The following DPP6 variants were observed in gnomAD, a reference collection of about 807,000 sequenced individuals.
DPP6 encodes dipeptidyl peptidase like 6, also known as A-type potassium channel modulatory protein DPP6.
A neutral mutation model predicts 122.6 loss-of-function variants in DPP6; 69 were observed. The observed-to-expected ratio is 0.56, with a 90% CI of 0.46 to 0.69. DPP6 has a LOEUF of 0.69. Ranked by LOEUF, DPP6 falls within the 30% of genes least tolerant of loss-of-function variation. The pLI, the probability that DPP6 is intolerant of heterozygous loss-of-function variation, is 0.00. For synonymous variants in DPP6, 418 were observed against 433.1 expected (o/e 0.97, Z 0.43); for missense variants, 928 against 1,116.9 (o/e 0.83, Z 2.41).
At chr7:154,372,749 T>C (rs1016056900) in intron 1 of DPP6, among the ~76,000 whole-genome samples, 10 of 152,162 alleles carry the variant, frequency 6.6e-5, no homozygotes, top group African/African-American at 2.4e-4. Flanking sequence ...GAACAGTTGA[T>C]AGTTTGCCAG....
chr7:154,121,072 T>C (rs1485888729), intron 1 of DPP6, among the ~76,000 whole-genome samples: 5 of 152,184 alleles, frequency 3.3e-5, no homozygotes, highest in Non-Finnish European at 7.3e-5. Flanking sequence ...TCTCATGCCC[T>C]CTCTTGCTGC....
chr7:153,758,701 A>G, the DPP6 span, among the ~76,000 whole-genome samples: 1 of 151,930 alleles, frequency 6.6e-6, no homozygotes, highest in East Asian at 1.9e-4. Context: ...GCATGTATCA[A>G]TAGTTATTTA....
chr7:154,092,028 G>C (rs578041563), intron 1 of DPP6, among the ~76,000 whole-genome samples: 106 of 152,104 alleles, frequency 7.0e-4, no homozygotes, highest in Non-Finnish European at 1.3e-3. Flanking sequence ...CATGACATCA[G>C]GGGTGGGAGC....
chr7:154,473,708 A>C (rs1247297171), intron 2 of DPP6, among the ~76,000 whole-genome samples: 2 of 152,240 alleles, frequency 1.3e-5, no homozygotes, highest in East Asian at 3.8e-4. Context: ...TTTAAAACAC[A>C]AAATTAAAAG....
At chr7:154,060,635 G>A (rs1425151353) in intron 1 of DPP6, among the ~76,000 whole-genome samples, 306 of 144,136 alleles carry the variant, frequency 2.1e-3, no homozygotes, top group South Asian at 6.2e-3. Context: ...CCCCATCGCA[G>A]GAGGGGGAGG....
At chr7:154,660,386 A>G (rs1837563427) in intron 6 of DPP6, among the ~76,000 whole-genome samples, 1 of 149,868 alleles carries the variant, frequency 6.7e-6, no homozygotes, top group Non-Finnish European at 1.5e-5. Context: ...ATGGTGAATC[A>G]CCATGGCGTA....
chr7:154,765,920 A>G (rs185461040), intron 8 of DPP6, among the ~76,000 whole-genome samples: 2 of 152,248 alleles, frequency 1.3e-5, no homozygotes, highest in Non-Finnish European at 2.9e-5. Context: ...CATTTGGTGC[A>G]TGGCATTTAA....
intron 1 of DPP6, among the ~76,000 whole-genome samples, chr7:154,198,549 A>G (rs1404999088): frequency 6.6e-6 from 1 of 152,006 alleles, no homozygotes; most frequent in Non-Finnish European, 1.5e-5. Flanking sequence ...CCTGACTTCA[A>G]ATGATCTGCC....
chr7:154,803,098 GC>G (rs940821705), intron 13 of DPP6, among the ~76,000 whole-genome samples: 6 of 152,020 alleles, frequency 3.9e-5, no homozygotes, highest in African/African-American at 1.4e-4. Flanking sequence ...AGGCCCTGCT[GC>G]CCCCCAACCC....
At chr7:153,856,699 G>A in the DPP6 span, among the ~76,000 whole-genome samples, 1 of 152,126 alleles carries the variant, frequency 6.6e-6, no homozygotes, top group Non-Finnish European at 1.5e-5. Context: ...ATTCTCAAGG[G>A]ATCTGTTTGC....
At chr7:154,751,503 TAGAGGCTG>T (rs1212831325) in intron 8 of DPP6, among the ~76,000 whole-genome samples, 2 of 149,310 alleles carry the variant, frequency 1.3e-5, no homozygotes, top group Non-Finnish European at 3.0e-5. Context: ...CCCACTACTC[TAGAGGCTG>T]AGGTGGAAGA....
chr7:154,012,728 A>G (rs983093556), intron 1 of DPP6, among the ~76,000 whole-genome samples: 8 of 152,170 alleles, frequency 5.3e-5, no homozygotes, highest in Admixed American at 6.5e-5. Context: ...TGTTACTGAA[A>G]CCATCATCTC....
intron 16 of DPP6, among the ~76,000 whole-genome samples, chr7:154,819,422 TAAATA>T (rs1449886151): frequency 6.6e-6 from 1 of 150,876 alleles, no homozygotes; most frequent in Non-Finnish European, 1.5e-5. Context: ...TCTCAATAAA[TAAATA>T]AATTAATTAA....
intron 1 of DPP6, among the ~76,000 whole-genome samples, chr7:154,128,915 C>T (rs571807786): frequency 6.6e-6 from 1 of 151,226 alleles, no homozygotes; most frequent in East Asian, 2.0e-4. Flanking sequence ...CAGTTCCCAG[C>T]GTTAGCTTAG....
intron 3 of DPP6, among the ~76,000 whole-genome samples, chr7:154,494,342 A>C (rs1306592283): frequency 6.6e-6 from 1 of 150,748 alleles, no homozygotes; most frequent in Non-Finnish European, 1.5e-5. Context: ...GGCAACAGAG[A>C]AGGACCCTGT....
chr7:154,882,342 G>A (rs1805455994), intron 21 of DPP6, among the ~76,000 whole-genome samples: 1 of 152,166 alleles, frequency 6.6e-6, no homozygotes, highest in African/African-American at 2.4e-5. Flanking sequence ...TCTTTCCTTT[G>A]CCATTCTGCC....
At chr7:154,345,626 C>A (rs181630807) in intron 1 of DPP6, among the ~76,000 whole-genome samples, 1 of 152,222 alleles carries the variant, frequency 6.6e-6, no homozygotes, top group East Asian at 1.9e-4. Flanking sequence ...GCTGTCCACG[C>A]CCCTACCTTG....
intron 1 of DPP6, among the ~76,000 whole-genome samples, chr7:154,408,965 A>G (rs1035614299): frequency 1.3e-5 from 2 of 152,074 alleles, no homozygotes; most frequent in African/African-American, 4.8e-5. Flanking sequence ...ACATGGTGAA[A>G]CCACATCTGT....
the DPP6 span, among the ~76,000 whole-genome samples, chr7:153,810,671 C>CCTCTCTCTCTCTCTCTCTCT: frequency 1.6e-5 from 2 of 124,632 alleles, no homozygotes; most frequent in African/African-American, 3.3e-5. Flanking sequence ...CTCTCTCTCT[C>CCTCTCTCTCTCTCTCTCTCT]CTCTCTCTCT....
Sources: allele counts gnomAD v4.1 joint callset (sites outside exome capture counted in the v4.1 genomes callset), GRCh38; gene constraint gnomAD v4.1.1; transcripts MANE v1.5; gene names NCBI Gene and HGNC (gene_info 2026-07-23, HGNC 2026-07-21).